Variants in MALAT1 observed in about 807,000 individuals in gnomAD.
The protein encoded by MALAT1 is hepcarcin.
intron 2 of MALAT1, chr11:65,498,781 TTAAAA>T (rs772120469): frequency 3.9e-6 from 2 of 519,000 alleles, no homozygotes; most frequent in South Asian, 2.8e-5. Flanking sequence ...GATGACCCGT[TTAAAA>T]TATGATTTCC....
chr11:65,505,294 A>G (rs566592708), intron 3 of MALAT1: 1 of 518,886 alleles, frequency 1.9e-6, no homozygotes, highest in Non-Finnish European at 3.8e-6. Context: ...GAGAAGTGTC[A>G]GCCTCACCTG....
At chr11:65,502,621 T>A in exon 3 of MALAT1, 1 of 448,020 alleles carries the variant, frequency 2.2e-6, no homozygotes. Flanking sequence ...AGGGGAAACT[T>A]TTTTTTTTTC....
At chr11:65,499,062 GCGCA>G in exon 3 of MALAT1, 1 of 518,188 alleles carries the variant, frequency 1.9e-6, no homozygotes, top group South Asian at 1.4e-5. Flanking sequence ...GAGGCAGCCA[GCGCA>G]GGGGCTTCTG....
chr11:65,502,747 T>C (rs760488379), exon 3 of MALAT1: 2 of 516,366 alleles, frequency 3.9e-6, no homozygotes, highest in African/African-American at 1.9e-5. Context: ...GAAAAGATTA[T>C]ATGTCATACC....
chr11:65,504,233 T>C (rs1854622895), intron 3 of MALAT1: 1 of 518,276 alleles, frequency 1.9e-6, no homozygotes, highest in African/African-American at 1.9e-5. Flanking sequence ...TTGCAGTGAG[T>C]TTATCAGCAT....
chr11:65,501,559 G>C (rs1565052876), exon 3 of MALAT1: 1 of 518,704 alleles, frequency 1.9e-6, no homozygotes, highest in Non-Finnish European at 3.8e-6. Context: ...GAGAGGGTGG[G>C]GGAGAAAATG....
chr11:65,500,650 G>A (rs900636589), exon 3 of MALAT1: 1 of 518,888 alleles, frequency 1.9e-6, no homozygotes, highest in African/African-American at 1.9e-5. Context: ...TGGTGATGAA[G>A]GTAGCAGGCG....
exon 3 of MALAT1, chr11:65,500,821 T>C (rs1168615718): frequency 3.9e-6 from 2 of 518,946 alleles, no homozygotes; most frequent in Admixed American, 3.9e-5. Context: ...TATGGTAACC[T>C]TTTATTTATT....
intron 3 of MALAT1, chr11:65,505,594 C>T (rs1214172289): frequency 1.9e-6 from 1 of 518,956 alleles, no homozygotes; most frequent in Non-Finnish European, 3.8e-6. Context: ...AGCACAGACC[C>T]TTCACCCCTC....
At chr11:65,503,127 CT>C (rs1565054436) in exon 3 of MALAT1, 1 of 508,138 alleles carries the variant, frequency 2.0e-6, no homozygotes, top group East Asian at 5.5e-5. Flanking sequence ...ACAGGTATCT[CT>C]TCGTTATCAG....
chr11:65,506,018 G>A (rs1854685065), intron 3 of MALAT1: 1 of 458,484 alleles, frequency 2.2e-6, no homozygotes, highest in African/African-American at 2.1e-5. Context: ...TCTTCAGTAG[G>A]GTCATGAAGG....
rs111886361 is a variant in MALAT1, at chr11:65,504,369, T to C, written n.5168+464T>C. Reference sequence around the variant, plus strand: ...TTGTCTTGACTTCAGGTCTGTCTGTTCTGTTGGCAAGTAAATGCAGTACTG... The same window carrying C: ...TTGTCTTGACTTCAGGTCTGTCTGTCCTGTTGGCAAGTAAATGCAGTACTG... On this transcript the variant is annotated intron_variant and non_coding_transcript_variant, in intron 3 of 3. Coordinates refer to ENST00000619449, the Ensembl canonical transcript of MALAT1. 1.3e-4 allele frequency: 66 copies of C among 518,396 alleles called. 1 individual carries two copies. Among genetic ancestry groups the C allele is most frequent in the African/African-American group, 8.1e-4 (42 of 51,998 alleles). 32.1% of individuals were successfully genotyped at this position (518,396 alleles called of 1,614,324 possible). A position where few individuals can be genotyped will look rare whatever the true frequency, so the allele number is the denominator to read the frequency against.
intron 2 of MALAT1, chr11:65,498,779 G>A (rs758703618): frequency 3.9e-6 from 2 of 518,748 alleles, no homozygotes; most frequent in Admixed American, 3.9e-5. Context: ...TTGATGACCC[G>A]TTTAAAATAT....
intron 3 of MALAT1, chr11:65,506,189 A>G (rs370229856): frequency 4.6e-6 from 2 of 434,900 alleles, no homozygotes; most frequent in Non-Finnish European, 8.8e-6. Context: ...TTTGACTACT[A>G]ATCTGTCTTC....
In MALAT1 at chr11:65,503,027, G is replaced by A. The variant is rs148133626; in HGVS notation, n.4290G>A. On this transcript the variant is annotated non_coding_transcript_exon_variant, in exon 3 of 4. Coordinates refer to ENST00000619449, the Ensembl canonical transcript of MALAT1. ...AAAATGTTACACTACATTAATCCTGGAATAAAAGAAGCCGAAATAAATGAG... is the reference window on the plus strand; with the variant it reads ...AAAATGTTACACTACATTAATCCTGAAATAAAAGAAGCCGAAATAAATGAG... 2.5e-3 allele frequency: 1,246 copies of A among 505,202 alleles called. 7 individuals are homozygous for A. The highest frequency in any genetic ancestry group is 3.8e-3 in the Non-Finnish European group (968 of 253,952). The allele number at this position is 505,202 out of a possible 1,614,324, so 31.3% of individuals were successfully genotyped here. A position where few individuals can be genotyped will look rare whatever the true frequency, so the allele number is the denominator to read the frequency against.
chr11:65,499,780 G>T (rs1205883059), exon 3 of MALAT1: 1 of 423,472 alleles, frequency 2.4e-6, no homozygotes, highest in South Asian at 1.8e-5. Context: ...AAAGTAGGAA[G>T]CAGAAGAAAA....
intron 2 of MALAT1, chr11:65,498,910 A>G (rs537875110): frequency 7.7e-6 from 4 of 518,708 alleles, no homozygotes; most frequent in South Asian, 5.6e-5. Context: ...AAAAATCTAG[A>G]AAAGTAAAAC....
At chr11:65,505,003 CA>C (rs1356307831) in intron 3 of MALAT1, 1 of 518,626 alleles carries the variant, frequency 1.9e-6, no homozygotes. Context: ...CACCAGTGGA[CA>C]AAATGAGGAA....
chr11:65,506,438 A>AT (rs1318523667), downstream of MALAT1: 1 of 329,542 alleles, frequency 3.0e-6, no homozygotes, highest in African/African-American at 2.2e-5. Flanking sequence ...AAACTTAACA[A>AT]TTTTGTGTAA....
Sources: allele counts gnomAD v4.1 joint callset, GRCh38; gene constraint gnomAD v4.1.1; transcripts MANE v1.5; gene names NCBI Gene and HGNC (gene_info 2026-07-23, HGNC 2026-07-21).